The following CEP295 variants were observed in gnomAD, a reference collection of about 807,000 sequenced individuals.
CEP295 encodes the protein centrosomal protein 295.
A neutral mutation model predicts 291.6 loss-of-function variants in CEP295; 190 were observed. That is an observed-to-expected ratio of 0.65 (90% confidence interval 0.58 to 0.73). The LOEUF is 0.73. Ranked by LOEUF, CEP295 falls within the 30% of genes least tolerant of loss-of-function variation. The pLI, the probability that CEP295 is intolerant of heterozygous loss-of-function variation, is 0.00. For synonymous variants in CEP295, 993 were observed against 1,038.8 expected (o/e 0.96, Z 0.85); for missense variants, 2,863 against 2,949.4 (o/e 0.97, Z 0.68).
chr11:93,680,877 C>T (rs1231574216), intron 7 of CEP295, among the ~76,000 whole-genome samples: 1 of 152,066 alleles, frequency 6.6e-6, no homozygotes, highest in Admixed American at 6.5e-5. Context: ...TTAAGTACTT[C>T]TTAAAAATGC....
intron 24 of CEP295, 185 bp downstream of exon 24, chr11:93,727,822 A>G (rs1455757658): frequency 2.0e-6 from 1 of 507,652 alleles, no homozygotes; most frequent in East Asian, 3.2e-5. Context: ...CCTGGCAGGA[A>G]AAACCTGAAA....
At chr11:93,679,349 T>A (rs963352771) in intron 6 of CEP295, 63 bp from the exon 7 acceptor site, 6 of 1,411,078 alleles carry the variant, frequency 4.3e-6, no homozygotes, top group Non-Finnish European at 4.8e-6. Context: ...GTTGTTTTGT[T>A]TTTTAGTTAC....
chr11:93,698,903 C>G lies in CEP295; in HGVS notation c.3991C>G (p.Pro1331Ala), dbSNP rs1022784461. The G allele has an allele frequency of 1.9e-6, 3 of 1,551,516 alleles. No individual in the cohort carries two copies. The African/African-American group carries it at 4.1e-5, about 21-fold the overall frequency. ...AATTTTTTCAAGCCACCTTCAGATCCCACAATTGCAGGATAGGCTTTTGAG... is the reference window on the plus strand; with the variant it reads ...AATTTTTTCAAGCCACCTTCAGATCGCACAATTGCAGGATAGGCTTTTGAG... ...SKIFSSHLQIPQLQDRLLRIS... is the reference protein window; with the variant it reads ...SKIFSSHLQIAQLQDRLLRIS... Residue 1331 changes from proline (P) to alanine (A), a missense_variant, in exon 15 of 30, where the codon CCA (proline) becomes GCA (alanine). Physicochemically the swap from Pro to Ala is conservative, Grantham distance 27. Coordinates refer to ENST00000325212, the MANE Select transcript of CEP295 (RefSeq NM_033395.2).
rs531401139 is a variant in CEP295 at position 93,701,927 on chromosome 11, C to T, written c.5275-533C>T. Among the ~76,000 whole-genome samples, 3 of 151,268 alleles carry T rather than the reference C, an allele frequency of 2.0e-5. No homozygotes were observed. The South Asian group carries it at 6.3e-4, about 32-fold the overall frequency. ...GTAGGCTAAGTTTTTAAGTCCAAGGCTGTGAATGGTTGTTGTTTTTGTTGT... is the reference window on the plus strand; with the variant it reads ...GTAGGCTAAGTTTTTAAGTCCAAGGTTGTGAATGGTTGTTGTTTTTGTTGT... On this transcript the variant is annotated intron_variant, in intron 15 of 29. Transcript: ENST00000325212.
In CEP295 at chr11:93,699,529, A is replaced by G; in HGVS notation, c.4617A>G (p.Lys1539=). ...LLLQRLSELE[K]RVSSEQVCSS... is the part of the protein sequence containing the mutation. Reference sequence around the variant, plus strand: ...TGCAAAGATTAAGTGAATTGGAGAAAAGGGTATCATCTGAACAAGTTTGCT... The same window carrying G: ...TGCAAAGATTAAGTGAATTGGAGAAGAGGGTATCATCTGAACAAGTTTGCT... Residue 1539 remains lysine (K), a synonymous_variant, in exon 15 of 30, where the codon AAA becomes AAG. Coordinates refer to ENST00000325212, the MANE Select transcript of CEP295 (RefSeq NM_033395.2). 6.4e-7 allele frequency: 1 copy of G among 1,551,876 alleles called. No individual in the cohort carries two copies. The highest frequency in any genetic ancestry group is 8.7e-7 in the Non-Finnish European group (1 of 1,147,070).
At chr11:93,664,836 G>A (rs547952392) in intron 1 of CEP295, among the ~76,000 whole-genome samples, 67 of 152,264 alleles carry the variant, frequency 4.4e-4, no homozygotes, top group African/African-American at 1.6e-3. Flanking sequence ...TCCATAGTAT[G>A]TGAAATATTA....
Position 93,699,097 on chromosome 11 carries a change from T to C in CEP295, c.4185T>C (p.Ser1395=), listed in dbSNP as rs1565185592. 1 of 1,548,246 alleles carries C rather than the reference T, an allele frequency of 6.5e-7. No individual in the cohort carries two copies. The highest frequency in any genetic ancestry group is 2.0e-5 in the Admixed American group (1 of 51,012). ...TATCTCCCGAGCAGGTTGACACCTC[T>C]TCCTTACCCCTAGTACCACAGCATT... ...GRISPEQVDT[S]SLPLVPQHSF... is the part of the protein sequence containing the mutation. The change falls in exon 15 of 30, where the codon TCT becomes TCC. Residue 1395 remains serine, a synonymous_variant. Coordinates refer to ENST00000325212, the MANE Select transcript of CEP295 (RefSeq NM_033395.2).
At chr11:93,706,607 C>A in intron 17 of CEP295, 138 bp from the exon 18 acceptor site, 1 of 602,910 alleles carries the variant, frequency 1.7e-6, no homozygotes, top group Non-Finnish European at 2.7e-6. Context: ...AAAAGCTTGA[C>A]TGTGAAAGGT....
At chr11:93,718,773 G>C (rs1194262823) in intron 18 of CEP295, among the ~76,000 whole-genome samples, 1 of 152,178 alleles carries the variant, frequency 6.6e-6, no homozygotes, top group Non-Finnish European at 1.5e-5. Context: ...GCCAACCTGG[G>C]TGACAGAGCA....
intron 29 of CEP295, 41 bp from the exon 30 acceptor site, chr11:93,730,190 G>T (rs778635610): frequency 2.0e-5 from 31 of 1,551,042 alleles, no homozygotes; most frequent in South Asian, 1.7e-4. Context: ...TTTCAAGCAT[G>T]AAGTACACAA....
chr11:93,729,202 G>A (rs879663590), intron 25 of CEP295: 1 of 579,712 alleles, frequency 1.7e-6, no homozygotes, highest in East Asian at 2.8e-5. Flanking sequence ...AGGCCTAGAG[G>A]TGTGAGGGCA....
intron 1 of CEP295, among the ~76,000 whole-genome samples, chr11:93,665,468 G>T (rs576040300): frequency 3.3e-5 from 5 of 152,314 alleles, no homozygotes; most frequent in Non-Finnish European, 7.4e-5. Context: ...AGCAACTGGG[G>T]AGGCTGAGGC....
intron 24 of CEP295, 167 bp from the exon 25 acceptor site, chr11:93,728,514 G>A (rs762776407): frequency 2.7e-5 from 14 of 519,628 alleles, no homozygotes; most frequent in African/African-American, 4.0e-5. Flanking sequence ...CTGGAGTTAT[G>A]GAAGCCTAAG....
chr11:93,724,184 T>A, intron 21 of CEP295, 70 bp from the exon 22 acceptor site: 3 of 1,367,728 alleles, frequency 2.2e-6, no homozygotes, highest in Non-Finnish European at 3.0e-6. Context: ...CCTTTTCTAG[T>A]GTTTACCTTA....
rs1937772439 is a variant in CEP295 at position 93,728,660 on chromosome 11, CCTTTT to C, written c.7162-20_7162-16del. ...TTTAAGGCTATTTTGACATGGTTTT[CCTTTT>C]AATTGTGGTTCACAGGAAACAGAAA... On this transcript the variant is annotated splice_polypyrimidine_tract_variant and intron_variant, in intron 24 of 29. Coordinates refer to ENST00000325212, the MANE Select transcript of CEP295 (RefSeq NM_033395.2). 1 of 1,511,128 alleles carries C rather than the reference CCTTTT, an allele frequency of 6.6e-7. No homozygotes were observed. The allele number at this position is 1,511,128 out of a possible 1,614,324, so 93.6% of individuals were successfully genotyped here. A position where few individuals can be genotyped will look rare whatever the true frequency, so the allele number is the denominator to read the frequency against.
chr11:93,729,361 C>G (rs1158627295), intron 25 of CEP295, 73 bp from the exon 26 acceptor site: 4 of 1,038,192 alleles, frequency 3.9e-6, no homozygotes, highest in South Asian at 1.4e-5. Context: ...CCGCTGCACT[C>G]TAATCTGACA....
At position 93,668,895 on chromosome 11, in the gene CEP295, A is replaced by C. The variant is rs1416549056; in HGVS notation, c.397A>C (p.Lys133Gln). The C allele has an allele frequency of 7.5e-7, 1 of 1,331,608 alleles. No individual in the cohort carries two copies. Among genetic ancestry groups the C allele is most frequent in the Admixed American group, 2.4e-5 (1 of 41,506 alleles). 82.5% of individuals were successfully genotyped at this position (1,331,608 alleles called of 1,614,324 possible). A position where few individuals can be genotyped will look rare whatever the true frequency, so the allele number is the denominator to read the frequency against. ...LRHKEALKVQ[K>Q]NQKEILLKQK... ...GCATAAAGAAGCCTTGAAAGTACAG[A>C]AAAATCAAAAAGAAATATTACTGAA... The change falls in exon 4 of 30, where the codon AAA becomes CAA. Residue 133 changes from lysine to glutamine, a missense_variant. Lys to Gln is a moderately conservative substitution (Grantham distance 53). Coordinates refer to ENST00000325212, the MANE Select transcript of CEP295 (RefSeq NM_033395.2).
intron 17 of CEP295, among the ~76,000 whole-genome samples, chr11:93,703,280 G>A (rs1021732349): frequency 2.6e-5 from 4 of 151,332 alleles, no homozygotes; most frequent in African/African-American, 9.7e-5. Context: ...TTTTCAGAGT[G>A]CTAAATGTTT....
chr11:93,708,999 T>C (rs1952709916), intron 18 of CEP295, among the ~76,000 whole-genome samples: 1 of 152,202 alleles, frequency 6.6e-6, no homozygotes, highest in African/African-American at 2.4e-5. Flanking sequence ...GGTAATTAGA[T>C]TTTTTCCTAC....
Sources: allele counts gnomAD v4.1 joint callset (sites outside exome capture counted in the v4.1 genomes callset), GRCh38; gene constraint gnomAD v4.1.1; transcripts MANE v1.5; gene names NCBI Gene and HGNC (gene_info 2026-07-23, HGNC 2026-07-21).